The following IQGAP1 variants were observed in gnomAD, a reference collection of about 807,000 sequenced individuals.
The protein encoded by IQGAP1 is ras GTPase-activating-like protein IQGAP1.
Under a neutral mutation model 215.6 loss-of-function variants are expected in IQGAP1, and 66 were observed. The ratio of observed to expected loss-of-function variants is 0.31; its 90% CI spans 0.25 to 0.38. The LOEUF is 0.38. IQGAP1 is among the 10% of genes least tolerant of loss of function. The pLI is 1.00. For missense variants in IQGAP1, 1,712 were observed against 1,997.1 expected (o/e 0.86, Z 2.72); for synonymous variants, 772 against 728.7 (o/e 1.06, Z -0.96).
At chr15:90,422,782 ACCT>A (rs1200942337) in intron 2 of IQGAP1, among the ~76,000 whole-genome samples, 1 of 150,818 alleles carries the variant, frequency 6.6e-6, no homozygotes, top group Admixed American at 6.6e-5. Context: ...TGCAGCCTTG[ACCT>A]CCTGGGCTCA....
intron 29 of IQGAP1, 119 bp from the exon 30 acceptor site, chr15:90,484,101 G>C (rs556017300): frequency 9.4e-6 from 8 of 848,066 alleles, no homozygotes; most frequent in Non-Finnish European, 1.1e-5. Context: ...ACTTTCTCTT[G>C]AAGTAACTGT....
At chr15:90,471,316 G>A (rs564378832) in intron 18 of IQGAP1, among the ~76,000 whole-genome samples, 99 of 152,088 alleles carry the variant, frequency 6.5e-4, no homozygotes, top group Middle Eastern at 3.4e-3. Flanking sequence ...AGGTCACCTT[G>A]TCACCTATAA....
rs1966337814 is a variant in IQGAP1, at chr15:90,501,298, C to T, written c.*1190C>T. The stretch of plus-strand genomic sequence containing the variant: ...CCACATTGTGCCTTTATTTTATGAG[C>T]CCCAGTTTTCTGGGCTTAGTTTAAA... On this transcript the variant is annotated 3_prime_UTR_variant, in exon 38 of 38. Coordinates refer to ENST00000268182, the MANE Select transcript of IQGAP1 (RefSeq NM_003870.4). 1 of 151,514 alleles carries T rather than the reference C, an allele frequency of 6.6e-6. No homozygotes were observed. Among genetic ancestry groups the T allele is most frequent in the African/African-American group, 2.4e-5 (1 of 41,200 alleles). 9.4% of individuals were successfully genotyped at this position (151,514 alleles called of 1,614,324 possible).
chr15:90,484,802 C>G (rs535179560), intron 30 of IQGAP1, among the ~76,000 whole-genome samples: 29 of 152,314 alleles, frequency 1.9e-4, no homozygotes, highest in Non-Finnish European at 3.4e-4. Context: ...AGCCACCACG[C>G]CTGGCCTTTT....
At position 90,500,041 on chromosome 15, in the gene IQGAP1, T is replaced by C. The variant is rs747600138; in HGVS notation, c.4907T>C (p.Phe1636Ser). ...GAAGGAGTTGCAGTCATGAAATTAT[T>C]TGATAGAGCTAAAGTAAATGTCAAC... ...QYEGVAVMKL[F>S]DRAKVNVNLL... Residue 1636 changes from phenylalanine to serine, a missense_variant, in exon 38 of 38, where the codon TTT (phenylalanine) becomes TCT (serine). This residue lies in a region of IQGAP1 where 691 missense variants were observed against 923.0 expected (regional missense o/e 0.75). Transcript: ENST00000268182. 7 of 1,613,008 alleles carry C rather than the reference T, an allele frequency of 4.3e-6. No individual in the cohort carries two copies. In the East Asian group the frequency reaches 6.7e-5, roughly 15 times the overall value.
chr15:90,481,894 A>G, intron 26 of IQGAP1, 66 bp from the exon 27 acceptor site: 2 of 1,540,062 alleles, frequency 1.3e-6, no homozygotes, highest in Non-Finnish European at 1.8e-6. Context: ...GAAAGATAAG[A>G]CACTTGCTTC....
chr15:90,434,945 T>A (rs1045405468), intron 5 of IQGAP1, among the ~76,000 whole-genome samples: 1 of 152,104 alleles, frequency 6.6e-6, no homozygotes, highest in Non-Finnish European at 1.5e-5. Flanking sequence ...GGGACATGAG[T>A]GAGATATTTG....
At chr15:90,406,513 G>A (rs1032453333) in intron 2 of IQGAP1, among the ~76,000 whole-genome samples, 2 of 152,268 alleles carry the variant, frequency 1.3e-5, no homozygotes, top group African/African-American at 2.4e-5. Flanking sequence ...TAGTGATGAC[G>A]GTTGTACAAC....
chr15:90,490,239 T>A (rs1006379151), intron 33 of IQGAP1, among the ~76,000 whole-genome samples: 5 of 152,046 alleles, frequency 3.3e-5, no homozygotes, highest in African/African-American at 1.2e-4. Flanking sequence ...GTATTGAGAG[T>A]AAACAGAGAG....
chr15:90,492,476 G>C (rs1966219327), intron 34 of IQGAP1, 69 bp from the exon 35 acceptor site: 1 of 1,176,150 alleles, frequency 8.5e-7, no homozygotes, highest in African/African-American at 1.6e-5. Flanking sequence ...GTTAAGCATT[G>C]CTGGGTTGTA....
At chr15:90,442,766 T>G (rs994736629) in intron 8 of IQGAP1, among the ~76,000 whole-genome samples, 1 of 152,068 alleles carries the variant, frequency 6.6e-6, no homozygotes, top group Admixed American at 6.5e-5. Flanking sequence ...GTTAGGAGTT[T>G]GAGACCAGCC....
intron 15 of IQGAP1, among the ~76,000 whole-genome samples, chr15:90,456,937 T>C (rs1324482296): frequency 4.5e-5 from 5 of 109,970 alleles, no homozygotes; most frequent in Non-Finnish European, 6.9e-5. Flanking sequence ...TATATATATA[T>C]ACGTATATAT....
At chr15:90,440,707 T>C in intron 7 of IQGAP1, 92 bp downstream of exon 7, 3 of 791,350 alleles carry the variant, frequency 3.8e-6, no homozygotes, top group East Asian at 2.7e-5. Flanking sequence ...ACATTATGAA[T>C]CTTGCCAGCA....
intron 33 of IQGAP1, among the ~76,000 whole-genome samples, chr15:90,489,674 T>C (rs1224430641): frequency 1.3e-5 from 2 of 152,212 alleles, no homozygotes; most frequent in African/African-American, 2.4e-5. Flanking sequence ...TTGGAAACCA[T>C]TGTTTTCAAT....
intron 18 of IQGAP1, among the ~76,000 whole-genome samples, chr15:90,470,908 G>C (rs1015449019): frequency 2.6e-5 from 4 of 151,796 alleles, no homozygotes; most frequent in African/African-American, 9.7e-5. Flanking sequence ...AATCTCTCTT[G>C]CTACCTTCCT....
chr15:90,426,393 A>G, intron 3 of IQGAP1, 127 bp downstream of exon 3: 1 of 979,812 alleles, frequency 1.0e-6, no homozygotes, highest in Non-Finnish European at 1.5e-6. Flanking sequence ...ATAGCCTTTA[A>G]AATGCCTGGC....
intron 37 of IQGAP1, among the ~76,000 whole-genome samples, chr15:90,498,829 G>C (rs1456884624): frequency 1.6e-4 from 6 of 36,426 alleles, no homozygotes; most frequent in African/African-American, 6.9e-4. Flanking sequence ...TTTTTTTTTT[G>C]AGACAGTTTC....
chr15:90,489,478 A>G (rs1373689858), intron 33 of IQGAP1, among the ~76,000 whole-genome samples: 1 of 152,172 alleles, frequency 6.6e-6, no homozygotes, highest in Non-Finnish European at 1.5e-5. Flanking sequence ...CAAGTCATTC[A>G]TTCTCAAATT....
rs540696882 is a variant in IQGAP1 at position 90,390,928 on chromosome 15, G to C, written c.155+55G>C. ...AAGAGAAGGGAACTGATAATAGTGTGAATACAAATAAAGATTGCTTTGAGG... is the reference window on the plus strand; with the variant it reads ...AAGAGAAGGGAACTGATAATAGTGTCAATACAAATAAAGATTGCTTTGAGG... On this transcript the variant is annotated intron_variant, in intron 2 of 37. Coordinates refer to ENST00000268182, the MANE Select transcript of IQGAP1 (RefSeq NM_003870.4). 40 of 1,085,290 alleles carry C rather than the reference G, an allele frequency of 3.7e-5. No individual in the cohort carries two copies. In the South Asian group the frequency reaches 4.1e-4, roughly 11 times the overall value. 67.2% of individuals were successfully genotyped at this position (1,085,290 alleles called of 1,614,324 possible).
Sources: gnomAD v4.1 joint callset for allele counts (sites outside exome capture counted in the v4.1 genomes callset) on GRCh38, gnomAD v4.1.1 for gene constraint, gnomAD v4.1.1 regional missense constraint, MANE v1.5 for transcripts, NCBI Gene and HGNC (gene_info 2026-07-23, HGNC 2026-07-21) for gene names.